The following USP32 variants were observed in gnomAD, a reference collection of about 807,000 sequenced individuals.
USP32 encodes the protein ubiquitin carboxyl-terminal hydrolase 32.
In USP32, 59 loss-of-function variants were observed where a neutral mutation model predicts 204.8. That is an observed-to-expected ratio of 0.29 (90% CI 0.23 to 0.36). The LOEUF (loss-of-function observed/expected upper bound fraction) is 0.36. Ranked by LOEUF, USP32 falls within the 10% of genes least tolerant of loss-of-function variation. USP32 has a pLI of 1.00. For missense variants in USP32, 1,160 were observed against 1,946.4 expected, an observed-to-expected ratio of 0.60 and a Z score of 7.60; for synonymous variants, 517 against 678.4, an observed-to-expected ratio of 0.76 and a Z score of 3.70.
chr17:60,404,145 A>G (rs1307096742), intron 1 of USP32, among the ~76,000 whole-genome samples: 2 of 152,140 alleles, frequency 1.3e-5, no homozygotes, highest in Non-Finnish European at 2.9e-5. Context: ...GCGGAACTGT[A>G]TGACTGCTTA....
chr17:60,415,613 C>T (rs911621561), intron 1 of USP32, among the ~76,000 whole-genome samples: 2 of 152,148 alleles, frequency 1.3e-5, no homozygotes, highest in Non-Finnish European at 2.9e-5. Context: ...TGGATTAAGA[C>T]AGTGTCTAGG....
At chr17:60,349,955 AAATAT>A (rs1183442490) in intron 1 of USP32, among the ~76,000 whole-genome samples, 2 of 151,288 alleles carry the variant, frequency 1.3e-5, no homozygotes, top group Non-Finnish European at 2.9e-5. Flanking sequence ...GCAAGACAGA[AAATAT>A]AATAGAATCA....
chr17:60,348,600 C>A (rs1468471890), intron 1 of USP32, among the ~76,000 whole-genome samples: 5 of 151,990 alleles, frequency 3.3e-5, no homozygotes, highest in Non-Finnish European at 7.4e-5. Flanking sequence ...CATAGTGAGA[C>A]CCTGTCTCTA....
chr17:60,223,205 A>G (rs1246240255), intron 14 of USP32, among the ~76,000 whole-genome samples: 1 of 152,220 alleles, frequency 6.6e-6, no homozygotes, highest in Non-Finnish European at 1.5e-5. Flanking sequence ...AAGAATAACA[A>G]TAATGCCAAG....
intron 1 of USP32, among the ~76,000 whole-genome samples, chr17:60,374,405 T>C (rs1219580239): frequency 3.3e-5 from 5 of 151,884 alleles, no homozygotes; most frequent in South Asian, 2.1e-4. Context: ...TTTTGTTTTT[T>C]TTTTTTTGAG....
chr17:60,288,383 T>C, intron 5 of USP32, 140 bp downstream of exon 5: 1 of 1,018,510 alleles, frequency 9.8e-7, no homozygotes, highest in Non-Finnish European at 1.4e-6. Flanking sequence ...GAGACTGCCG[T>C]AAGCCACGAT....
At chr17:60,293,857 G>A (rs1260190228) in intron 4 of USP32, among the ~76,000 whole-genome samples, 1 of 152,138 alleles carries the variant, frequency 6.6e-6, no homozygotes, top group African/African-American at 2.4e-5. Flanking sequence ...AAAATGGGCA[G>A]CACTGAGTGC....
chr17:60,348,317 G>C (rs1331382917), intron 1 of USP32, among the ~76,000 whole-genome samples: 5 of 152,038 alleles, frequency 3.3e-5, no homozygotes, highest in African/African-American at 1.2e-4. Flanking sequence ...ACCAAAACTA[G>C]AAGAAGCCAG....
At chr17:60,375,533 T>A (rs1001616099) in intron 1 of USP32, among the ~76,000 whole-genome samples, 1 of 152,170 alleles carries the variant, frequency 6.6e-6, no homozygotes, top group Non-Finnish European at 1.5e-5. Context: ...TGCACACCCA[T>A]GAAGTGTACA....
At chr17:60,343,708 T>G (rs2088714334) in intron 2 of USP32, among the ~76,000 whole-genome samples, 1 of 152,190 alleles carries the variant, frequency 6.6e-6, no homozygotes, top group Non-Finnish European at 1.5e-5. Context: ...AGGAAAGATC[T>G]AAAATCAACA....
At chr17:60,390,425 G>C (rs1460870306) in intron 1 of USP32, among the ~76,000 whole-genome samples, 1 of 152,120 alleles carries the variant, frequency 6.6e-6, no homozygotes, top group African/African-American at 2.4e-5. Flanking sequence ...GAAATGACTA[G>C]CCTACTAGGG....
chr17:60,185,059 T>C (rs767480574), intron 30 of USP32, among the ~76,000 whole-genome samples: 2 of 152,228 alleles, frequency 1.3e-5, no homozygotes, highest in Non-Finnish European at 2.9e-5. Flanking sequence ...CACATGATTA[T>C]GTGCAGTGGG....
At chr17:60,411,363 T>A (rs975999556) in intron 1 of USP32, among the ~76,000 whole-genome samples, 99 of 121,980 alleles carry the variant, frequency 8.1e-4, no homozygotes, top group Middle Eastern at 4.1e-3. Context: ...AAATAAATAA[T>A]TAGCCAGCCA....
intron 7 of USP32, among the ~76,000 whole-genome samples, chr17:60,267,538 T>C (rs2086625480): frequency 6.6e-6 from 1 of 152,000 alleles, no homozygotes; most frequent in South Asian, 2.1e-4. Flanking sequence ...TTTTTTTTTC[T>C]TTTTTTTGAG....
At chr17:60,273,459 T>G (rs139490342) in intron 5 of USP32, among the ~76,000 whole-genome samples, 2 of 152,292 alleles carry the variant, frequency 1.3e-5, no homozygotes, top group Non-Finnish European at 2.9e-5. Context: ...TACTCTAAAC[T>G]TGTCCCAACA....
chr17:60,209,498 G>A lies in USP32; in HGVS notation c.2470C>T (p.Gln824Ter). The A allele has an allele frequency of 6.2e-7, 1 of 1,602,050 alleles. No individual in the cohort carries two copies. The highest frequency in any genetic ancestry group is 8.5e-7 in the Non-Finnish European group (1 of 1,175,952). The change falls in exon 22 of 34, where the codon CAG becomes TAG. Residue 824 changes from glutamine (Q) to a stop codon, truncating the protein, a stop_gained. Coordinates refer to ENST00000300896, the MANE Select transcript of USP32 (RefSeq NM_032582.4). LOFTEE classifies it high-confidence loss of function. Reference sequence around the variant, plus strand: ...AAAGCCAGAAGTTCTTGGGAGTCCTGTTGCTGAAACCCATTAAACCTGGGA... The same window carrying A: ...AAAGCCAGAAGTTCTTGGGAGTCCTATTGCTGAAACCCATTAAACCTGGGA... ...YAPRFNGFQQQDSQELLAFLL... is the reference protein window; with the variant it reads ...YAPRFNGFQQ
At chr17:60,182,552 C>A (rs2084137648) in intron 31 of USP32, among the ~76,000 whole-genome samples, 1 of 152,174 alleles carries the variant, frequency 6.6e-6, no homozygotes, top group Non-Finnish European at 1.5e-5. Flanking sequence ...CACTTGGGCA[C>A]AGGAGTTCGA....
chr17:60,286,761 C>T (rs971242180), intron 5 of USP32, among the ~76,000 whole-genome samples: 3 of 152,200 alleles, frequency 2.0e-5, no homozygotes, highest in African/African-American at 7.2e-5. Context: ...GAAGCACAGA[C>T]CCCCTCCCTC....
chr17:60,336,433 T>TG (rs2088517863), intron 2 of USP32, among the ~76,000 whole-genome samples: 1 of 142,988 alleles, frequency 7.0e-6, no homozygotes, highest in African/African-American at 3.0e-5. Flanking sequence ...AGAAATGAAT[T>TG]GGCCGGGCGC....
Sources: gnomAD v4.1 joint callset for allele counts (sites outside exome capture counted in the v4.1 genomes callset) on GRCh38, gnomAD v4.1.1 for gene constraint, MANE v1.5 for transcripts, NCBI Gene and HGNC (gene_info 2026-07-23, HGNC 2026-07-21) for gene names.